Variants in ME3 observed in about 807,000 individuals in gnomAD.
ME3 encodes malic enzyme 3.
Under a neutral mutation model 68.9 loss-of-function variants are expected in ME3, and 48 were observed. That is an observed-to-expected ratio of 0.70 (90% CI 0.55 to 0.89). The LOEUF (loss-of-function observed/expected upper bound fraction) is 0.89. Among genes scored for constraint, ME3 ranks in the 40% least tolerant of loss-of-function variants. ME3 has a pLI of 0.00. For synonymous variants in ME3, 320 were observed against 318.8 expected (o/e 1.00, Z -0.04); for missense variants, 675 against 797.4 (o/e 0.85, Z 1.85).
At chr11:86,591,194 T>G (rs976861250) in intron 2 of ME3, among the ~76,000 whole-genome samples, 2 of 3,116 alleles carry the variant, frequency 6.4e-4, no homozygotes, top group Admixed American at 5.0e-3. Flanking sequence ...CTGGAGGAGT[T>G]GGAGGAGTTG....
intron 7 of ME3, among the ~76,000 whole-genome samples, chr11:86,481,763 G>A (rs568517911): frequency 1.3e-5 from 2 of 152,270 alleles, no homozygotes; most frequent in East Asian, 3.9e-4. Flanking sequence ...TTTAGTTGTG[G>A]GAGTTGCAGG....
chr11:86,611,440 C>T (rs1942564372), intron 2 of ME3, among the ~76,000 whole-genome samples: 1 of 151,486 alleles, frequency 6.6e-6, no homozygotes. Context: ...TAAGTGTTCT[C>T]AACACAAAAA....
chr11:86,570,790 C>T (rs1263075626), intron 2 of ME3, among the ~76,000 whole-genome samples: 8 of 152,144 alleles, frequency 5.3e-5, no homozygotes, highest in African/African-American at 1.9e-4. Flanking sequence ...AGTTCTTGTT[C>T]TGGTTGGGAG....
chr11:86,559,419 A>G (rs1410326762), intron 3 of ME3, among the ~76,000 whole-genome samples: 2 of 152,090 alleles, frequency 1.3e-5, no homozygotes, highest in African/African-American at 4.8e-5. Context: ...CTCAGCTTCT[A>G]CCACTTCCCA....
intron 2 of ME3, among the ~76,000 whole-genome samples, chr11:86,661,953 CA>C (rs1471630857): frequency 6.6e-6 from 1 of 152,032 alleles, no homozygotes; most frequent in Non-Finnish European, 1.5e-5. Flanking sequence ...ATAAATTAAA[CA>C]AACAAATGAG....
At chr11:86,630,353 C>T (rs1943935043) in intron 2 of ME3, among the ~76,000 whole-genome samples, 1 of 152,136 alleles carries the variant, frequency 6.6e-6, no homozygotes, top group Non-Finnish European at 1.5e-5. Context: ...ACTCCAGTGA[C>T]ATATCTGGGG....
chr11:86,498,633 A>G (rs1041698273), intron 5 of ME3, among the ~76,000 whole-genome samples: 3 of 152,226 alleles, frequency 2.0e-5, no homozygotes, highest in African/African-American at 4.8e-5. Context: ...GACATCTTCT[A>G]GGATCACTAT....
intron 6 of ME3, among the ~76,000 whole-genome samples, chr11:86,491,607 C>T (rs1419372326): frequency 2.0e-5 from 3 of 152,180 alleles, no homozygotes. Flanking sequence ...ACATTCTGCC[C>T]TGTATCCGCC....
chr11:86,502,243 C>G (rs1952774296), intron 5 of ME3, among the ~76,000 whole-genome samples: 1 of 152,212 alleles, frequency 6.6e-6, no homozygotes, highest in African/African-American at 2.4e-5. Flanking sequence ...AAAGCATTTC[C>G]CTCCAGGAAG....
chr11:86,640,202 C>T (rs1944580783), intron 2 of ME3, among the ~76,000 whole-genome samples: 1 of 152,210 alleles, frequency 6.6e-6, no homozygotes, highest in Non-Finnish European at 1.5e-5. Context: ...AGCCAAACTC[C>T]TGCAAGGCCA....
At chr11:86,547,155 G>A (rs1565934662) in intron 4 of ME3, among the ~76,000 whole-genome samples, 2 of 149,904 alleles carry the variant, frequency 1.3e-5, no homozygotes, top group Non-Finnish European at 3.0e-5. Context: ...GGAGAATGGT[G>A]TGAAGCCGGG....
intron 7 of ME3, among the ~76,000 whole-genome samples, chr11:86,473,602 A>T (rs897595955): frequency 6.6e-6 from 1 of 152,148 alleles, no homozygotes; most frequent in Admixed American, 6.5e-5. Flanking sequence ...GCTAGAGCAC[A>T]GTTAGAATGG....
intron 13 of ME3, among the ~76,000 whole-genome samples, chr11:86,443,686 C>T (rs1949130280): frequency 6.6e-6 from 1 of 152,244 alleles, no homozygotes; most frequent in South Asian, 2.1e-4. Context: ...CTGTGTGTCT[C>T]AGAAGTGACA....
intron 2 of ME3, among the ~76,000 whole-genome samples, chr11:86,590,785 G>T (rs894990366): frequency 2.6e-5 from 4 of 152,222 alleles, no homozygotes; most frequent in Non-Finnish European, 5.9e-5. Flanking sequence ...CTAAGAAACA[G>T]CTAATTTTAC....
chr11:86,537,251 C>T (rs964016901), intron 4 of ME3, among the ~76,000 whole-genome samples: 7 of 150,876 alleles, frequency 4.6e-5, no homozygotes, highest in Non-Finnish European at 1.0e-4. Flanking sequence ...CTAACCTGCA[C>T]AATGTGCACA....
chr11:86,642,234 A>G (rs1262768273), intron 2 of ME3, among the ~76,000 whole-genome samples: 1 of 152,262 alleles, frequency 6.6e-6, no homozygotes, highest in East Asian at 1.9e-4. Flanking sequence ...TTTTTAATGT[A>G]GGAAATTATC....
rs142071666 is a variant in ME3, at chr11:86,595,304, T to TAGAGAG, written c.184-35482_184-35481insCTCTCT. Reference sequence around the variant, plus strand: ...ATATATACATATACATATATATATATATAGAGAGAGAGAGAGAGAGAGAGA... The same window carrying TAGAGAG: ...ATATATACATATACATATATATATATAGAGAGATAGAGAGAGAGAGAGAGAGAGAGA... On this transcript the variant is annotated intron_variant, in intron 2 of 14. Coordinates refer to ENST00000543262, the Ensembl canonical transcript of ME3. Among the ~76,000 whole-genome samples the TAGAGAG allele has an allele frequency of 7.6e-4, 72 of 94,604 alleles. 3 individuals are homozygous for TAGAGAG. Among genetic ancestry groups the TAGAGAG allele is most frequent in the East Asian group, 2.6e-3 (6 of 2,270 alleles). 62.1% of individuals were successfully genotyped at this position (94,604 alleles called of 152,430 possible). A position where few individuals can be genotyped will look rare whatever the true frequency, so the allele number is the denominator to read the frequency against.
intron 2 of ME3, among the ~76,000 whole-genome samples, chr11:86,571,433 T>A (rs1055214219): frequency 3.3e-5 from 5 of 152,186 alleles, no homozygotes; most frequent in African/African-American, 1.2e-4. Context: ...ACAGCAACAT[T>A]AGTCTGCTCA....
intron 7 of ME3, among the ~76,000 whole-genome samples, chr11:86,480,528 A>G (rs1410964917): frequency 6.6e-6 from 1 of 152,166 alleles, no homozygotes; most frequent in Admixed American, 6.5e-5. Context: ...TCCCTCTTCC[A>G]AGCTCACTGT....
Sources: allele counts gnomAD v4.1 joint callset (sites outside exome capture counted in the v4.1 genomes callset), GRCh38; gene constraint gnomAD v4.1.1; transcripts MANE v1.5; gene names NCBI Gene and HGNC (gene_info 2026-07-23, HGNC 2026-07-21).